TJP1: variants seen among roughly 807,000 people sequenced by gnomAD.
TJP1 encodes the protein tight junction protein 1.
Under a neutral mutation model 194.2 loss-of-function variants are expected in TJP1, and 43 were observed. The observed-to-expected ratio is 0.22, with a 90% CI of 0.17 to 0.29. TJP1 has a LOEUF of 0.29. Ranked by LOEUF, TJP1 falls within the 10% of genes least tolerant of loss-of-function variation. The pLI is 1.00. For synonymous variants in TJP1, 801 were observed against 779.0 expected, an observed-to-expected ratio of 1.03 and a Z score of -0.47; for missense variants, 1,971 against 2,185.7, an observed-to-expected ratio of 0.90 and a Z score of 1.96.
chr15:29,814,576 T>C (rs960484999), intron 1 of TJP1, among the ~76,000 whole-genome samples: 3 of 152,144 alleles, frequency 2.0e-5, no homozygotes, highest in Admixed American at 6.6e-5. Flanking sequence ...AGCGTGAAAA[T>C]TCCTAAGATA....
At chr15:29,792,887 G>C in intron 2 of TJP1, among the ~76,000 whole-genome samples, 1 of 152,238 alleles carries the variant, frequency 6.6e-6, no homozygotes, top group East Asian at 1.9e-4. Context: ...TTGGAAATAA[G>C]ATTATTTTCT....
At chr15:29,883,722 T>G (rs1036534802) in intron 2 of TJP1, among the ~76,000 whole-genome samples, 2 of 152,150 alleles carry the variant, frequency 1.3e-5, no homozygotes, top group African/African-American at 4.8e-5. Flanking sequence ...GGTTATGGCT[T>G]TCAGAAAAGA....
intron 18 of TJP1, among the ~76,000 whole-genome samples, chr15:29,721,312 T>C (rs1331082587): frequency 6.6e-6 from 1 of 152,074 alleles, no homozygotes; most frequent in Non-Finnish European, 1.5e-5. Flanking sequence ...TTTAGCACCA[T>C]CTCCCTCACA....
Position 29,742,769 on chromosome 15 carries a change from T to G in TJP1, c.1023A>C (p.Arg341Ser). 1 of 1,598,080 alleles carries G rather than the reference T, an allele frequency of 6.3e-7. No individual in the cohort carries two copies. Among genetic ancestry groups the G allele is most frequent in the African/African-American group, 1.3e-5 (1 of 74,092 alleles). The change falls in exon 9 of 28, where the codon AGA (arginine) becomes AGC (serine). Residue 341 changes from arginine (R) to serine (S), a missense_variant. Arg to Ser is a moderately radical substitution (Grantham distance 110). Coordinates refer to ENST00000614355, the MANE Select transcript of TJP1 (RefSeq NM_001330239.4). ...CAGGTTTAGAAATTCTCTCTTCATCTCTACTCCGGAGACTGTGTGTCATTA... is the reference window on the plus strand; with the variant it reads ...CAGGTTTAGAAATTCTCTCTTCATCGCTACTCCGGAGACTGTGTGTCATTA... ...QQPSNGSLRS[R>S]DEERISKPGA... is the part of the protein sequence containing the mutation.
chr15:29,850,302 A>G (rs1210388064), intron 2 of TJP1, among the ~76,000 whole-genome samples: 1 of 152,172 alleles, frequency 6.6e-6, no homozygotes, highest in Non-Finnish European at 1.5e-5. Flanking sequence ...ATATTATTTT[A>G]GAGACTTTGT....
At position 29,853,699 on chromosome 15, in the gene TJP1, C is replaced by T. The variant is rs541462269; in HGVS notation, c.307-52997G>A. 1.8e-4 allele frequency among the ~76,000 whole-genome samples: 27 copies of T among 152,262 alleles called. No homozygotes were observed. In the South Asian group the frequency reaches 5.6e-3, roughly 32 times the overall value. On this transcript the variant is annotated intron_variant, in intron 2 of 28. Transcript: ENST00000356107. ...CTGATGTCCTAGGGTTACTTATCAA[C>T]ATATCTAAAGTAAAATAAATACAAG...
At chr15:29,961,227 T>G (rs1385173456) in intron 1 of TJP1, among the ~76,000 whole-genome samples, 2 of 152,162 alleles carry the variant, frequency 1.3e-5, no homozygotes, top group East Asian at 3.9e-4. Context: ...CAGGGATTAT[T>G]CCCCGCATAT....
At chr15:29,880,929 C>A (rs1156331776) in intron 2 of TJP1, among the ~76,000 whole-genome samples, 30 of 152,156 alleles carry the variant, frequency 2.0e-4, no homozygotes, top group Admixed American at 2.0e-3. Context: ...TCTTCAAGAT[C>A]CTGTTTTCGC....
In TJP1 at chr15:29,727,937, T is replaced by C; in HGVS notation, c.2100A>G (p.Gln700=). 1.9e-6 allele frequency: 3 copies of C among 1,613,556 alleles called. No homozygotes were observed. Among genetic ancestry groups the C allele is most frequent in the Non-Finnish European group, 2.5e-6 (3 of 1,179,520 alleles). ...RLHTIKQIID[Q]DKHALLDVTP... ...AATGGGTCAAGTTTTAATAACTTAC[T>C]TGATCTATGATTTGCTTTATTGTAT... Residue 700 remains glutamine, a splice_region_variant and synonymous_variant, in exon 16 of 28, where the codon CAA becomes CAG. Transcript: ENST00000614355.
chr15:29,949,683 T>TCACCACCACCTCCACCAC (rs2055551691), intron 2 of TJP1, among the ~76,000 whole-genome samples: 2 of 15,612 alleles, frequency 1.3e-4, no homozygotes, highest in Non-Finnish European at 2.6e-4. Context: ...ACCTCCACCT[T>TCACCACCACCTCCACCAC]CACCACCACC....
Position 29,718,483 on chromosome 15 carries a change from G to C in TJP1, c.3659C>G (p.Ala1220Gly), listed in dbSNP as rs775142271. The C allele has an allele frequency of 3.2e-5, 52 of 1,614,066 alleles. No homozygotes were observed. The highest frequency in any genetic ancestry group is 4.2e-5 in the Non-Finnish European group (49 of 1,180,050). Residue 1220 changes from alanine to glycine, a missense_variant, in exon 21 of 28, where the codon GCT becomes GGT. By Grantham distance (60) the Ala-to-Gly change is moderately conservative. Transcript: ENST00000614355. Reference protein sequence around the residue: ...RAGHFEPLHGAAAVPPLIPSS... With the variant: ...RAGHFEPLHGGAAVPPLIPSS... ...AGGTATCAGCGGAGGGACAGCTGCAGCACCATGGAGAGGCTCAAAATGACC... is the reference window on the plus strand; with the variant it reads ...AGGTATCAGCGGAGGGACAGCTGCACCACCATGGAGAGGCTCAAAATGACC...
chr15:29,874,144 G>A (rs1189219488), intron 2 of TJP1, among the ~76,000 whole-genome samples: 1 of 152,136 alleles, frequency 6.6e-6, no homozygotes, highest in African/African-American at 2.4e-5. Context: ...CCACCATTAA[G>A]CCAAATGACA....
At chr15:29,950,222 G>A (rs117765957) in intron 2 of TJP1, among the ~76,000 whole-genome samples, 2,785 of 84,110 alleles carry the variant, frequency 0.033, 101 homozygotes, top group Admixed American at 0.1. Context: ...CTTTACCACC[G>A]CTACCTCCAC....
intron 2 of TJP1, among the ~76,000 whole-genome samples, chr15:29,884,108 T>A (rs998667493): frequency 6.6e-6 from 1 of 152,222 alleles, no homozygotes; most frequent in African/African-American, 2.4e-5. Flanking sequence ...CACCTTTTCC[T>A]CCTATATTAT....
At chr15:29,838,992 CTTTT>C (rs760557407) in intron 2 of TJP1, among the ~76,000 whole-genome samples, 116 of 83,466 alleles carry the variant, frequency 1.4e-3, no homozygotes, top group African/African-American at 5.1e-3. Context: ...AAAAATTCAC[CTTTT>C]TTTTTTTTTT....
At chr15:29,883,337 A>G (rs1189687100) in intron 2 of TJP1, among the ~76,000 whole-genome samples, 1 of 152,224 alleles carries the variant, frequency 6.6e-6, no homozygotes, top group Non-Finnish European at 1.5e-5. Flanking sequence ...GCGTTGGGTG[A>G]AATGCACAGG....
intron 2 of TJP1, among the ~76,000 whole-genome samples, chr15:29,794,054 T>C (rs915926605): frequency 2.6e-5 from 4 of 152,236 alleles, no homozygotes; most frequent in African/African-American, 9.6e-5. Context: ...CTTCTTTAAA[T>C]GTTTGGTAGA....
intron 2 of TJP1, among the ~76,000 whole-genome samples, chr15:29,930,810 T>A (rs1329271417): frequency 6.6e-6 from 1 of 152,120 alleles, no homozygotes; most frequent in African/African-American, 2.4e-5. Flanking sequence ...AATAGGAAAG[T>A]CTACACAGAA....
chr15:29,908,860 T>C (rs1172883898), intron 2 of TJP1, among the ~76,000 whole-genome samples: 2 of 151,792 alleles, frequency 1.3e-5, no homozygotes, highest in East Asian at 1.9e-4. Flanking sequence ...CCCTACTAAA[T>C]ATAGAAAAAT....
Sources: allele counts gnomAD v4.1 joint callset (sites outside exome capture counted in the v4.1 genomes callset), GRCh38; gene constraint gnomAD v4.1.1; transcripts MANE v1.5; gene names NCBI Gene and HGNC (gene_info 2026-07-23, HGNC 2026-07-21).